Variants in HERC4 observed in about 807,000 individuals in gnomAD.
HERC4 encodes HECT and RLD domain containing E3 ubiquitin protein ligase 4, also known as probable E3 ubiquitin-protein ligase HERC4.
HERC4 carries 28 observed loss-of-function variants against 124.3 expected under a neutral mutation model. The ratio of observed to expected loss-of-function variants is 0.23; its 90% confidence interval spans 0.17 to 0.31. The LOEUF is 0.31. Among genes scored for constraint, HERC4 ranks in the 10% least tolerant of loss-of-function variants. The pLI, the probability that HERC4 is intolerant of heterozygous loss-of-function variation, is 1.00. For missense variants in HERC4, 713 were observed against 1,229.3 expected (o/e 0.58, Z 6.28); for synonymous variants, 407 against 421.5 (o/e 0.97, Z 0.42).
chr10:67,957,306 C>T (rs183602535), intron 16 of HERC4, among the ~76,000 whole-genome samples: 66 of 152,204 alleles, frequency 4.3e-4, no homozygotes, highest in Middle Eastern at 6.8e-3. Context: ...ATGTTAAATG[C>T]GATAGCCAAT....
At chr10:67,971,115 T>C (rs2035207720) in intron 15 of HERC4, among the ~76,000 whole-genome samples, 1 of 152,064 alleles carries the variant, frequency 6.6e-6, no homozygotes, top group Non-Finnish European at 1.5e-5. Context: ...AAACCTGAAA[T>C]GTCTATATTT....
chr10:68,062,304 T>C (rs2041066022), intron 3 of HERC4, among the ~76,000 whole-genome samples: 1 of 152,194 alleles, frequency 6.6e-6, no homozygotes, highest in Non-Finnish European at 1.5e-5. Context: ...ATTTCTATAC[T>C]AATGAATATA....
chr10:68,039,315 CAAAAA>C (rs5785844), intron 4 of HERC4: 3,201 of 1,091,046 alleles, frequency 2.9e-3, no homozygotes, highest in South Asian at 6.2e-3. Context: ...GACCCTGTCT[CAAAAA>C]AAAAAAAAAA....
chr10:68,023,429 C>T (rs538066089), intron 8 of HERC4, among the ~76,000 whole-genome samples: 6 of 152,198 alleles, frequency 3.9e-5, no homozygotes, highest in South Asian at 4.1e-4. Context: ...GATGACACTA[C>T]GCTGAGTGAG....
chr10:67,973,624 A>G (rs992500589), intron 15 of HERC4, among the ~76,000 whole-genome samples: 1 of 152,206 alleles, frequency 6.6e-6, no homozygotes, highest in African/African-American at 2.4e-5. Flanking sequence ...GGCTGGCAAT[A>G]GGATTAGGAT....
chr10:68,072,780 G>T, intron 3 of HERC4, 103 bp downstream of exon 3: 3 of 771,098 alleles, frequency 3.9e-6, no homozygotes, highest in Non-Finnish European at 5.9e-6. Flanking sequence ...TGCTTTTAAA[G>T]CTTGATAAAC....
At chr10:68,071,536 C>T (rs1231494384) in intron 3 of HERC4, among the ~76,000 whole-genome samples, 1 of 152,206 alleles carries the variant, frequency 6.6e-6, no homozygotes, top group Non-Finnish European at 1.5e-5. Context: ...CCATGAAAAT[C>T]TCAACCTGAG....
At chr10:67,946,541 C>G (rs538473598) in intron 19 of HERC4, among the ~76,000 whole-genome samples, 5 of 151,810 alleles carry the variant, frequency 3.3e-5, no homozygotes, top group Non-Finnish European at 7.4e-5. Flanking sequence ...AGATGCAAGA[C>G]AAAAACTATA....
chr10:68,043,467 C>T (rs1462258178), intron 4 of HERC4, among the ~76,000 whole-genome samples: 1 of 152,066 alleles, frequency 6.6e-6, no homozygotes. Flanking sequence ...AAACTGAATA[C>T]TGAAATCTGT....
intron 8 of HERC4, among the ~76,000 whole-genome samples, chr10:68,016,008 C>T (rs534073623): frequency 6.6e-6 from 1 of 152,184 alleles, no homozygotes; most frequent in South Asian, 2.1e-4. Flanking sequence ...GAGGCTGAGG[C>T]AGGAGGATCA....
intron 5 of HERC4, among the ~76,000 whole-genome samples, chr10:68,037,677 A>C: frequency 6.6e-6 from 1 of 152,198 alleles, no homozygotes; most frequent in East Asian, 1.9e-4. Context: ...TATAATAAAC[A>C]AAAAATGACA....
Position 67,978,538 on chromosome 10 carries a change from G to A in HERC4, c.1806+10125C>T, listed in dbSNP as rs927469046. ...CCTCTGGAGTCACCAAGGGCCTGGG[G>A]AAACTAGCTGCCCCGAAGGGAAGGA... On this transcript the variant is annotated intron_variant, in intron 15 of 24. Coordinates refer to ENST00000373700, the MANE Select transcript of HERC4 (RefSeq NM_015601.4). Among the ~76,000 whole-genome samples the A allele has an allele frequency of 2.6e-5, 4 of 152,220 alleles. No individual in the cohort carries two copies. In the East Asian group the frequency reaches 5.8e-4, roughly 22 times the overall value.
At chr10:68,067,710 T>C (rs2041364926) in intron 3 of HERC4, 2 of 152,188 alleles carry the variant, frequency 1.3e-5, no homozygotes, top group Non-Finnish European at 2.9e-5. Context: ...AATGCTTTTA[T>C]TGGAATGACT....
intron 21 of HERC4, among the ~76,000 whole-genome samples, chr10:67,937,807 G>A (rs904158013): frequency 6.6e-5 from 10 of 150,676 alleles, no homozygotes; most frequent in South Asian, 2.1e-4. Flanking sequence ...CAGCCTCCCC[G>A]AGTAGCTGGT....
intron 3 of HERC4, chr10:68,067,993 G>C (rs553222225): frequency 6.6e-6 from 1 of 152,082 alleles, no homozygotes; most frequent in Non-Finnish European, 1.5e-5. Context: ...GTACAAGGGG[G>C]AAGACAATAA....
intron 9 of HERC4, among the ~76,000 whole-genome samples, chr10:67,995,804 CT>C (rs2036839465): frequency 6.6e-6 from 1 of 152,118 alleles, no homozygotes; most frequent in Admixed American, 6.5e-5. Context: ...AGTATTTACT[CT>C]TTAATTCATT....
chr10:67,974,073 TAC>T (rs57454971), intron 15 of HERC4, among the ~76,000 whole-genome samples: 3,246 of 95,980 alleles, frequency 0.034, 247 homozygotes, highest in African/African-American at 0.11. Flanking sequence ...AAAATTACTG[TAC>T]ACACACACAC....
intron 15 of HERC4, among the ~76,000 whole-genome samples, chr10:67,982,739 G>A (rs1340909912): frequency 6.6e-6 from 1 of 152,062 alleles, no homozygotes; most frequent in Non-Finnish European, 1.5e-5. Flanking sequence ...AATATATAAG[G>A]AGCTGAAACA....
rs941992016 is a variant in HERC4 at position 68,075,206 on chromosome 10, CG to C, written c.-172del. On this transcript the variant is annotated 5_prime_UTR_variant, in exon 1 of 25. Coordinates refer to ENST00000373700, the MANE Select transcript of HERC4 (RefSeq NM_015601.4). ...AGTCCAGAGACAGCCGTCAGCGACC[CG>C]GATGGAGCGGGCGGGGAAGAACGGG... The C allele has an allele frequency of 5.2e-5, 8 of 152,976 alleles. No individual in the cohort carries two copies. Among genetic ancestry groups the C allele is most frequent in the African/African-American group, 1.9e-4 (8 of 41,408 alleles). 9.5% of individuals were successfully genotyped at this position (152,976 alleles called of 1,614,324 possible).
Sources: allele counts gnomAD v4.1 joint callset (sites outside exome capture counted in the v4.1 genomes callset), GRCh38; gene constraint gnomAD v4.1.1; transcripts MANE v1.5; gene names NCBI Gene and HGNC (gene_info 2026-07-23, HGNC 2026-07-21).